Variants in COL19A1 observed in about 807,000 individuals in gnomAD.
COL19A1 encodes the protein collagen alpha-1(XIX) chain.
Under a neutral mutation model 190.2 loss-of-function variants are expected in COL19A1, and 159 were observed. The ratio of observed to expected loss-of-function variants is 0.84; its 90% CI spans 0.73 to 0.95. The LOEUF (loss-of-function observed/expected upper bound fraction) is 0.95. Ranked by LOEUF, COL19A1 falls within the 40% of genes least tolerant of loss-of-function variation. COL19A1 has a pLI of 0.00. For synonymous variants in COL19A1, 509 were observed against 458.9 expected, an observed-to-expected ratio of 1.11 and a Z score of -1.39; for missense variants, 1,418 against 1,431.9, an observed-to-expected ratio of 0.99 and a Z score of 0.16.
intron 11 of COL19A1, among the ~76,000 whole-genome samples, chr6:69,997,026 T>TATATAGAG (rs576813975): frequency 4.8e-5 from 7 of 146,976 alleles, no homozygotes; most frequent in African/African-American, 1.6e-4. Context: ...TATATATATA[T>TATATAGAG]AGAGAGAGAG....
intron 4 of COL19A1, 51 bp from the exon 5 acceptor site, chr6:69,927,858 T>G: frequency 6.4e-7 from 1 of 1,564,338 alleles, no homozygotes; most frequent in South Asian, 1.2e-5. Flanking sequence ...AGATTTTATT[T>G]TCTTGCAATC....
chr6:70,114,593 A>G (rs187228632), intron 16 of COL19A1, among the ~76,000 whole-genome samples: 4 of 152,248 alleles, frequency 2.6e-5, no homozygotes, highest in Admixed American at 1.3e-4. Context: ...ATTATTTGCC[A>G]TCTTCTCATT....
At position 70,212,265 on chromosome 6, in the gene COL19A1, C is replaced by T. The variant is rs607716; in HGVS notation, c.*4991C>T. On this transcript the variant is annotated 3_prime_UTR_variant, in exon 51 of 51. Transcript: ENST00000620364. ...AAATAACATTTAGGGTGTGTTTTCC[C>T]CCATTTTGTTTGTTCTCTATCTTAC... 0.096 allele frequency among the ~76,000 whole-genome samples: 14,649 copies of T among 151,862 alleles called. 1,083 individuals are homozygous for T. Among genetic ancestry groups the T allele is most frequent in the African/African-American group, 0.21 (8,568 of 41,402 alleles).
At chr6:69,961,890 C>T (rs941475169) in intron 10 of COL19A1, among the ~76,000 whole-genome samples, 2 of 151,948 alleles carry the variant, frequency 1.3e-5, no homozygotes, top group African/African-American at 4.8e-5. Flanking sequence ...GCTGGCATTC[C>T]CTTTCATATA....
chr6:69,986,254 C>T lies in COL19A1; in HGVS notation c.1026+23384C>T, dbSNP rs111637381. 4.8e-3 allele frequency among the ~76,000 whole-genome samples: 591 copies of T among 123,684 alleles called. 2 individuals are homozygous for T. Among genetic ancestry groups the T allele is most frequent in the African/African-American group, 0.018 (514 of 27,854 alleles). 81.1% of individuals were successfully genotyped at this position (123,684 alleles called of 152,430 possible). A position where few individuals can be genotyped will look rare whatever the true frequency, so the allele number is the denominator to read the frequency against. On this transcript the variant is annotated intron_variant, in intron 11 of 50. Transcript: ENST00000620364. The stretch of plus-strand genomic sequence containing the variant: ...ATATATATATATATATATATATATA[C>T]ACACACACATATATATATATTAATC...
intron 4 of COL19A1, among the ~76,000 whole-genome samples, chr6:69,926,210 A>G: frequency 6.6e-6 from 1 of 152,110 alleles, no homozygotes; most frequent in South Asian, 2.1e-4. Flanking sequence ...TCAGTATTTT[A>G]TTGGCTGTGG....
At chr6:69,913,060 G>A (rs909389367) in intron 4 of COL19A1, among the ~76,000 whole-genome samples, 12 of 152,116 alleles carry the variant, frequency 7.9e-5, no homozygotes, top group Non-Finnish European at 1.3e-4. Flanking sequence ...CTACACTCCA[G>A]CCTGAGTGAC....
At chr6:69,873,253 GA>G (rs372359269) in intron 1 of COL19A1, among the ~76,000 whole-genome samples, 68 of 141,954 alleles carry the variant, frequency 4.8e-4, no homozygotes, top group South Asian at 1.1e-3. Context: ...GAAATTCCCT[GA>G]AAAAAAAAAA....
intron 16 of COL19A1, among the ~76,000 whole-genome samples, chr6:70,104,796 TG>T (rs1293684211): frequency 6.6e-6 from 1 of 152,212 alleles, no homozygotes; most frequent in South Asian, 2.1e-4. Flanking sequence ...ACAGGCTAAT[TG>T]TTGTCTCAAA....
chr6:70,042,024 C>T (rs1307250854), intron 14 of COL19A1, among the ~76,000 whole-genome samples: 1 of 152,030 alleles, frequency 6.6e-6, no homozygotes, highest in Non-Finnish European at 1.5e-5. Flanking sequence ...GAGATTGCAC[C>T]GCTGCACTCC....
intron 34 of COL19A1, among the ~76,000 whole-genome samples, chr6:70,157,362 TTTCTTACATAA>T (rs1787503562): frequency 6.6e-6 from 1 of 152,180 alleles, no homozygotes. Flanking sequence ...ACATCATTTT[TTTCTTACATAA>T]TTCACATTAA....
intron 2 of COL19A1, chr6:69,879,917 G>A: frequency 4.2e-6 from 2 of 478,810 alleles, no homozygotes; most frequent in Non-Finnish European, 7.3e-6. Flanking sequence ...ATACATGCAT[G>A]TGTGCCTCTG....
At chr6:70,007,141 C>T (rs1042906920) in intron 11 of COL19A1, among the ~76,000 whole-genome samples, 1 of 152,006 alleles carries the variant, frequency 6.6e-6, no homozygotes, top group African/African-American at 2.4e-5. Context: ...TTGGAATTTA[C>T]ATTTGTGTCC....
intron 11 of COL19A1, among the ~76,000 whole-genome samples, chr6:69,986,221 TTATATA>T (rs57648174): frequency 0.013 from 1,727 of 138,122 alleles, 13 homozygotes; most frequent in South Asian, 0.039. Flanking sequence ...CTTACACGTT[TTATATA>T]TATATATATA....
chr6:70,096,806 C>T (rs1212644841), intron 15 of COL19A1, among the ~76,000 whole-genome samples: 4 of 152,146 alleles, frequency 2.6e-5, no homozygotes, highest in Admixed American at 6.5e-5. Flanking sequence ...GCAGCATCAG[C>T]ATTACTGCAA....
chr6:70,032,258 T>C (rs1364210032), intron 12 of COL19A1, among the ~76,000 whole-genome samples: 1 of 152,052 alleles, frequency 6.6e-6, no homozygotes, highest in Non-Finnish European at 1.5e-5. Flanking sequence ...GGGTGAGAGA[T>C]TCTCTCTAAA....
At chr6:69,995,772 A>G (rs1324899935) in intron 11 of COL19A1, among the ~76,000 whole-genome samples, 1 of 152,196 alleles carries the variant, frequency 6.6e-6, no homozygotes, top group Non-Finnish European at 1.5e-5. Context: ...TTAAATGTAC[A>G]ATCTATTGAT....
At chr6:69,942,094 T>C (rs571290879) in intron 9 of COL19A1, among the ~76,000 whole-genome samples, 2 of 152,322 alleles carry the variant, frequency 1.3e-5, no homozygotes, top group South Asian at 4.1e-4. Flanking sequence ...TCATTAACTG[T>C]ATAATATTAG....
intron 49 of COL19A1, among the ~76,000 whole-genome samples, chr6:70,200,603 C>G (rs1767488161): frequency 6.6e-6 from 1 of 152,164 alleles, no homozygotes; most frequent in Non-Finnish European, 1.5e-5. Flanking sequence ...TGGAAATTAA[C>G]ACTAAAATTA....
Sources: gnomAD v4.1 joint callset for allele counts (sites outside exome capture counted in the v4.1 genomes callset) on GRCh38, gnomAD v4.1.1 for gene constraint, MANE v1.5 for transcripts, NCBI Gene and HGNC (gene_info 2026-07-23, HGNC 2026-07-21) for gene names.